The following B3GALT1 variants were observed in gnomAD, a reference collection of about 807,000 sequenced individuals.
B3GALT1 encodes UDP-Gal:betaGlcNAc beta 1,3-galactosyltransferase, polypeptide 1.
In B3GALT1, 10 loss-of-function variants were observed where a neutral mutation model predicts 23.2. The ratio of observed to expected loss-of-function variants is 0.43; its 90% CI spans 0.27 to 0.73. The LOEUF is 0.73. B3GALT1 is among the 30% of genes least tolerant of loss of function. B3GALT1 has a pLI of 0.21. For missense variants in B3GALT1, 299 were observed against 405.4 expected, an observed-to-expected ratio of 0.74 and a Z score of 2.25; for synonymous variants, 156 against 141.5, an observed-to-expected ratio of 1.10 and a Z score of -0.73.
chr2:167,649,446 A>C (rs1292841392), intron 3 of B3GALT1, among the ~76,000 whole-genome samples: 1 of 152,124 alleles, frequency 6.6e-6, no homozygotes, highest in Admixed American at 6.5e-5. Flanking sequence ...GTATCCATTA[A>C]ATAGTCTCTT....
At chr2:167,750,940 G>A (rs149975066) in intron 3 of B3GALT1, among the ~76,000 whole-genome samples, 1 of 152,218 alleles carries the variant, frequency 6.6e-6, no homozygotes, top group East Asian at 1.9e-4. Flanking sequence ...TAACATGGAA[G>A]TAGGCAGCCT....
intron 1 of B3GALT1, among the ~76,000 whole-genome samples, chr2:167,429,947 A>T (rs1036587126): frequency 6.6e-6 from 1 of 152,268 alleles, no homozygotes; most frequent in Non-Finnish European, 1.5e-5. Context: ...CACTGGATAT[A>T]CAACAGTGAA....
At chr2:167,682,748 T>C (rs1686554197) in intron 3 of B3GALT1, among the ~76,000 whole-genome samples, 1 of 152,204 alleles carries the variant, frequency 6.6e-6, no homozygotes, top group Admixed American at 6.5e-5. Context: ...TCTATCCCCT[T>C]GCTGTAAATT....
At chr2:167,850,036 A>G (rs1477439493) in intron 4 of B3GALT1, among the ~76,000 whole-genome samples, 1 of 152,184 alleles carries the variant, frequency 6.6e-6, no homozygotes, top group African/African-American at 2.4e-5. Flanking sequence ...AAACAAAGAT[A>G]AATCACTGGG....
At chr2:167,662,460 G>C (rs1313835166) in intron 3 of B3GALT1, among the ~76,000 whole-genome samples, 3 of 151,984 alleles carry the variant, frequency 2.0e-5, no homozygotes, top group African/African-American at 7.3e-5. Context: ...CTAATGCTGT[G>C]GTGTGAAAAA....
intron 3 of B3GALT1, among the ~76,000 whole-genome samples, chr2:167,794,656 G>A (rs1242615722): frequency 2.0e-5 from 3 of 152,162 alleles, no homozygotes; most frequent in African/African-American, 7.2e-5. Flanking sequence ...TGATGTAATA[G>A]AAAGGTCAAT....
chr2:167,306,628 G>A (rs1696556415), intron 1 of B3GALT1, among the ~76,000 whole-genome samples: 1 of 151,990 alleles, frequency 6.6e-6, no homozygotes, highest in South Asian at 2.1e-4. Flanking sequence ...GTTTATCACA[G>A]AGTTTGCATG....
chr2:167,778,840 C>T (rs1688203667), intron 3 of B3GALT1, among the ~76,000 whole-genome samples: 1 of 152,186 alleles, frequency 6.6e-6, no homozygotes, highest in African/African-American at 2.4e-5. Context: ...TTTTCTCTAA[C>T]TCATCCCATT....
intron 3 of B3GALT1, among the ~76,000 whole-genome samples, chr2:167,744,035 T>C (rs1687616085): frequency 6.6e-6 from 1 of 152,188 alleles, no homozygotes; most frequent in South Asian, 2.1e-4. Context: ...ACACTATATG[T>C]GTGCCTAATT....
intron 1 of B3GALT1, among the ~76,000 whole-genome samples, chr2:167,386,497 C>T (rs1030457078): frequency 6.6e-6 from 1 of 152,080 alleles, no homozygotes; most frequent in Non-Finnish European, 1.5e-5. Flanking sequence ...GCAGCTATCT[C>T]CTGTTTTCTT....
intron 3 of B3GALT1, chr2:167,716,044 C>G (rs1687139173): frequency 6.2e-7 from 1 of 1,600,376 alleles, no homozygotes. Context: ...TAGGGCCGAG[C>G]GGTAGCGCCG....
chr2:167,663,965 A>G (rs1686123718), intron 3 of B3GALT1, among the ~76,000 whole-genome samples: 1 of 151,120 alleles, frequency 6.6e-6, no homozygotes. Flanking sequence ...CTTTAGTTTA[A>G]TGAGATCCCA....
chr2:167,462,594 T>C (rs1231364129), intron 1 of B3GALT1, among the ~76,000 whole-genome samples: 2 of 152,082 alleles, frequency 1.3e-5, no homozygotes, highest in Non-Finnish European at 2.9e-5. Context: ...ATGAATTGGA[T>C]TGGGGCACTG....
intron 1 of B3GALT1, among the ~76,000 whole-genome samples, chr2:167,464,205 A>G (rs939192547): frequency 3.9e-5 from 6 of 152,102 alleles, no homozygotes; most frequent in African/African-American, 1.4e-4. Flanking sequence ...TAATGATTAG[A>G]AAAACCCAAA....
rs554655798 is a variant in B3GALT1, at chr2:167,855,441, G to A, written c.-229-13370G>A. On this transcript the variant is annotated intron_variant, in intron 4 of 4. Transcript: ENST00000392690. ...TGGGAACCATGCCTACTTCTTAGTAGAAGTAATTATTAGTGAGATTGTATA... is the reference window on the plus strand; with the variant it reads ...TGGGAACCATGCCTACTTCTTAGTAAAAGTAATTATTAGTGAGATTGTATA... Among the ~76,000 whole-genome samples, 8 of 149,204 alleles carry A rather than the reference G, an allele frequency of 5.4e-5. No individual in the cohort carries two copies. In the South Asian group the frequency reaches 1.7e-3, roughly 32 times the overall value.
At chr2:167,768,895 A>G (rs1688023747) in intron 3 of B3GALT1, among the ~76,000 whole-genome samples, 1 of 152,170 alleles carries the variant, frequency 6.6e-6, no homozygotes. Context: ...TGCTTTTCCT[A>G]ATGCCTTGTC....
intron 1 of B3GALT1, among the ~76,000 whole-genome samples, chr2:167,294,921 C>A (rs1380542517): frequency 6.6e-6 from 1 of 152,252 alleles, no homozygotes; most frequent in East Asian, 1.9e-4. Context: ...TGATTGGGCT[C>A]ATTTCTGATT....
chr2:167,446,978 C>T (rs563165354), intron 1 of B3GALT1, among the ~76,000 whole-genome samples: 12 of 152,236 alleles, frequency 7.9e-5, no homozygotes, highest in African/African-American at 2.9e-4. Flanking sequence ...CTGGTTTCTC[C>T]CCATCTTTGT....
At chr2:167,846,541 AAAC>A (rs1349638069) in intron 4 of B3GALT1, among the ~76,000 whole-genome samples, 1 of 152,224 alleles carries the variant, frequency 6.6e-6, no homozygotes, top group African/African-American at 2.4e-5. Flanking sequence ...TTTTTCAGAC[AAAC>A]AAATGATAGA....
Sources: gnomAD v4.1 joint callset for allele counts (sites outside exome capture counted in the v4.1 genomes callset) on GRCh38, gnomAD v4.1.1 for gene constraint, MANE v1.5 for transcripts, NCBI Gene and HGNC (gene_info 2026-07-23, HGNC 2026-07-21) for gene names.